The following ITGA9 variants were observed in gnomAD, a reference collection of about 807,000 sequenced individuals.
ITGA9 encodes integrin alpha-9.
A neutral mutation model predicts 127.8 loss-of-function variants in ITGA9; 56 were observed. The ratio of observed to expected loss-of-function variants is 0.44; its 90% CI spans 0.35 to 0.55. The LOEUF (loss-of-function observed/expected upper bound fraction) is 0.55, where lower values mean the gene tolerates loss of function less well. Ranked by LOEUF, ITGA9 falls within the 20% of genes least tolerant of loss-of-function variation. The pLI is 0.00. For synonymous variants in ITGA9, 508 were observed against 514.5 expected, an observed-to-expected ratio of 0.99 and a Z score of 0.17; for missense variants, 1,196 against 1,347.1, an observed-to-expected ratio of 0.89 and a Z score of 1.76.
chr3:37,581,655 A>G (rs974618108), intron 15 of ITGA9, among the ~76,000 whole-genome samples: 1 of 152,234 alleles, frequency 6.6e-6, no homozygotes, highest in African/African-American at 2.4e-5. Context: ...AAAGCAAGAC[A>G]ATGTCTCAAA....
At position 37,803,195 on chromosome 3, in the gene ITGA9, G is replaced by A. The variant is rs117638449; in HGVS notation, c.2890-628G>A. 4.5e-3 allele frequency among the ~76,000 whole-genome samples: 680 copies of A among 152,298 alleles called. 6 individuals carry two copies. The highest frequency in any genetic ancestry group is 0.042 in the East Asian group (218 of 5,174). On this transcript the variant is annotated intron_variant, in intron 26 of 27. Coordinates refer to ENST00000264741, the MANE Select transcript of ITGA9 (RefSeq NM_002207.3). The stretch of plus-strand genomic sequence containing the variant: ...AAGCTGAAACAAAAGGTACATTGTC[G>A]TTATCTGTTCTGAATCAAGAACATA...
In ITGA9 at chr3:37,456,831, A is replaced by G. The variant is rs926471730; in HGVS notation, c.185+4272A>G. Reference sequence around the variant, plus strand: ...CTAGATAGTTCTGGTGAGCTGTCTGATGTAGTCACCACTAGCCAGATATAT... The same window carrying G: ...CTAGATAGTTCTGGTGAGCTGTCTGGTGTAGTCACCACTAGCCAGATATAT... On this transcript the variant is annotated intron_variant, in intron 1 of 27. Coordinates refer to ENST00000264741, the MANE Select transcript of ITGA9 (RefSeq NM_002207.3). Among the ~76,000 whole-genome samples, 3 of 152,360 alleles carry G rather than the reference A, an allele frequency of 2.0e-5. No homozygotes were observed. The Middle Eastern group carries it at 0.01, about 518-fold the overall frequency.
In ITGA9 at chr3:37,660,433, CT is replaced by C. The variant is rs1161959248; in HGVS notation, c.1916+6644del. Among the ~76,000 whole-genome samples, 3 of 152,306 alleles carry C rather than the reference CT, an allele frequency of 2.0e-5. 1 individual carries two copies. Among genetic ancestry groups the C allele is most frequent in the Admixed American group, 1.3e-4 (2 of 15,298 alleles). On this transcript the variant is annotated intron_variant, in intron 17 of 27. Coordinates refer to ENST00000264741, the MANE Select transcript of ITGA9 (RefSeq NM_002207.3). ...AGTTAGCAAAGTCCTAATGCTTTTGCTACCCATTAGTGGATGATCAAATCCA... is the reference window on the plus strand; with the variant it reads ...AGTTAGCAAAGTCCTAATGCTTTTGCACCCATTAGTGGATGATCAAATCCA...
At chr3:37,569,590 G>T (rs1027628620) in intron 15 of ITGA9, among the ~76,000 whole-genome samples, 2 of 152,192 alleles carry the variant, frequency 1.3e-5, no homozygotes, top group African/African-American at 2.4e-5. Context: ...AGCTTACTTT[G>T]CTGTTGACAG....
rs1426878973 is a variant in ITGA9 at position 37,818,674 on chromosome 3, G to A, written c.3010-217G>A. ...AGATGCATTTTAGAAGGAACAAACA[G>A]CTTACGTAATATCACCCGCAGGAAG... On this transcript the variant is annotated intron_variant, in intron 27 of 27. Coordinates refer to ENST00000264741, the MANE Select transcript of ITGA9 (RefSeq NM_002207.3). 6.7e-6 allele frequency: 4 copies of A among 599,286 alleles called. No homozygotes were observed. In the East Asian group the frequency reaches 1.1e-4, roughly 17 times the overall value. The allele number at this position is 599,286 out of a possible 1,614,324, so 37.1% of individuals were successfully genotyped here.
intron 15 of ITGA9, among the ~76,000 whole-genome samples, chr3:37,606,480 C>T (rs1699969953): frequency 6.6e-6 from 1 of 152,146 alleles, no homozygotes; most frequent in South Asian, 2.1e-4. Flanking sequence ...CTGTATTGGA[C>T]AGCACAGCTG....
At position 37,653,758 on chromosome 3, in the gene ITGA9, C is replaced by A. The variant is rs375412252; in HGVS notation, c.1884C>A (p.Asp628Glu). The change falls in exon 17 of 28, where the codon GAC (aspartate) becomes GAA (glutamate). Residue 628 changes from aspartate (D) to glutamate (E), a missense_variant. Physicochemically the swap from Asp to Glu is conservative, Grantham distance 45. Coordinates refer to ENST00000264741, the MANE Select transcript of ITGA9 (RefSeq NM_002207.3). The part of the protein sequence containing the change: ...RNCRSEDCAA[D>E]LQLQGKLLLS... ...GCCGTTCAGAGGACTGTGCCGCAGA[C>A]CTGCAGCTTCAGGGTAAACTGCTGC... 1.2e-6 allele frequency: 2 copies of A among 1,613,796 alleles called. No individual in the cohort carries two copies. The highest frequency in any genetic ancestry group is 1.3e-5 in the African/African-American group (1 of 74,910).
chr3:37,815,330 C>T (rs771087247), intron 27 of ITGA9, among the ~76,000 whole-genome samples: 6 of 152,100 alleles, frequency 3.9e-5, no homozygotes, highest in Non-Finnish European at 7.4e-5. Context: ...TGGTTCAGGC[C>T]GGGCGCGGTG....
chr3:37,806,706 G>A lies in ITGA9; in HGVS notation c.3009+2764G>A, dbSNP rs1697301735. 6.6e-6 allele frequency: 1 copy of A among 152,186 alleles called. No homozygotes were observed. The highest frequency in any genetic ancestry group is 1.5e-5 in the Non-Finnish European group (1 of 68,056). 9.4% of individuals were successfully genotyped at this position (152,186 alleles called of 1,614,324 possible). ...CTCTGCCACAGACTGGGAGGGAGAGGGCAGTCACGGCCGCCAGGGACACAC... is the reference window on the plus strand; with the variant it reads ...CTCTGCCACAGACTGGGAGGGAGAGAGCAGTCACGGCCGCCAGGGACACAC... On this transcript the variant is annotated intron_variant, in intron 27 of 27. Coordinates refer to ENST00000264741, the MANE Select transcript of ITGA9 (RefSeq NM_002207.3). This position sits in a 1 kb window ranked among gnomAD's most constrained non-coding sequence, Gnocchi z 4.3.
At chr3:37,689,570 G>C (rs998840776) in intron 18 of ITGA9, among the ~76,000 whole-genome samples, 1 of 152,206 alleles carries the variant, frequency 6.6e-6, no homozygotes, top group African/African-American at 2.4e-5. Flanking sequence ...TGGGAGCAGT[G>C]AGAGGGAGCT....
At chr3:37,748,560 C>T (rs1394439707) in intron 22 of ITGA9, 7 of 451,824 alleles carry the variant, frequency 1.5e-5, no homozygotes, top group South Asian at 9.0e-5. Context: ...CCAACCTGGC[C>T]AACATGGTGA....
intron 18 of ITGA9, among the ~76,000 whole-genome samples, chr3:37,708,755 A>G (rs1701042163): frequency 4.9e-4 from 1 of 2,024 alleles, no homozygotes; most frequent in Admixed American, 7.7e-3. Context: ...TACACATGAG[A>G]TGAGGGTCTT....
At chr3:37,532,615 T>G (rs1417679268) in intron 13 of ITGA9, among the ~76,000 whole-genome samples, 4 of 110,978 alleles carry the variant, frequency 3.6e-5, no homozygotes, top group African/African-American at 1.2e-4. Context: ...TTGTGGGATG[T>G]CCTTGGGGAG....
At chr3:37,804,674 A>G (rs1482893641) in intron 27 of ITGA9, among the ~76,000 whole-genome samples, 1 of 152,246 alleles carries the variant, frequency 6.6e-6, no homozygotes, top group Non-Finnish European at 1.5e-5. Flanking sequence ...ACCAGGGACC[A>G]TAACTGCAAC....
intron 26 of ITGA9, 89 bp downstream of exon 26, chr3:37,785,167 A>ACAGTCC: frequency 2.2e-6 from 2 of 922,738 alleles, no homozygotes; most frequent in Non-Finnish European, 3.6e-6. Context: ...GAGGGTCAAG[A>ACAGTCC]CAGTCTCTGA....
At chr3:37,463,231 G>A (rs182937032) in intron 1 of ITGA9, among the ~76,000 whole-genome samples, 2 of 152,322 alleles carry the variant, frequency 1.3e-5, no homozygotes, top group Admixed American at 6.5e-5. Flanking sequence ...GCTTGATGAC[G>A]TATCTGTTTT....
intron 5 of ITGA9, among the ~76,000 whole-genome samples, chr3:37,495,144 G>C (rs1698714652): frequency 6.6e-6 from 1 of 152,078 alleles, no homozygotes; most frequent in African/African-American, 2.4e-5. Context: ...GTAGAGACGG[G>C]GTTTCGCCAT....
Position 37,736,993 on chromosome 3 carries a change from G to T in ITGA9, c.2234+10G>T, listed in dbSNP as rs747811638. 1 of 1,569,856 alleles carries T rather than the reference G, an allele frequency of 6.4e-7. No individual in the cohort carries two copies. Among genetic ancestry groups the T allele is most frequent in the Non-Finnish European group, 8.8e-7 (1 of 1,140,468 alleles). ...TTGTTACTGCTCAGAGGTAAGGGGG[G>T]GGTTTAAACACTTTTTTCAAAGATG... On this transcript the variant is annotated intron_variant, in intron 20 of 27. Coordinates refer to ENST00000264741, the MANE Select transcript of ITGA9 (RefSeq NM_002207.3).
intron 16 of ITGA9, among the ~76,000 whole-genome samples, chr3:37,631,379 A>G (rs898095737): frequency 5.3e-5 from 8 of 152,194 alleles, no homozygotes; most frequent in African/African-American, 1.7e-4. Context: ...ACATTTTTAG[A>G]TTTAAGCAGC....
Sources: gnomAD v4.1 joint callset for allele counts (sites outside exome capture counted in the v4.1 genomes callset) on GRCh38, gnomAD v4.1.1 for gene constraint, Gnocchi (gnomAD v3.1) non-coding constraint, MANE v1.5 for transcripts, NCBI Gene and HGNC (gene_info 2026-07-23, HGNC 2026-07-21) for gene names.